Variants in FSTL5 observed in about 807,000 individuals in gnomAD.
FSTL5 encodes the protein follistatin like 5.
Under a neutral mutation model 89.1 loss-of-function variants are expected in FSTL5, and 62 were observed. The ratio of observed to expected loss-of-function variants is 0.70; its 90% CI spans 0.57 to 0.86. The LOEUF is 0.86. Among genes scored for constraint, FSTL5 ranks in the 40% least tolerant of loss-of-function variants. The probability of loss-of-function intolerance (pLI) is 0.00; values close to 1 mark genes in which losing one functional copy is unlikely to be tolerated. For missense variants in FSTL5, 1,057 were observed against 1,001.6 expected, an observed-to-expected ratio of 1.06 and a Z score of -0.75; for synonymous variants, 383 against 346.2, an observed-to-expected ratio of 1.11 and a Z score of -1.18.
chr4:162,058,572 C>A (rs1024404723), intron 2 of FSTL5, among the ~76,000 whole-genome samples: 1 of 151,546 alleles, frequency 6.6e-6, no homozygotes, highest in African/African-American at 2.4e-5. Flanking sequence ...GGATTACAGG[C>A]ACGCACCACC....
At chr4:161,893,478 A>T (rs894055870) in intron 4 of FSTL5, among the ~76,000 whole-genome samples, 2 of 152,132 alleles carry the variant, frequency 1.3e-5, no homozygotes, top group Non-Finnish European at 2.9e-5. Flanking sequence ...TCATCAATAT[A>T]AACTAAAGCC....
At position 161,676,813 on chromosome 4, in the gene FSTL5, G is replaced by A. The variant is rs141297030; in HGVS notation, c.728-20319C>T. ...TACAAAAATAATTGCTTTCCTTGAGGTCAATGTAGTTTTTAAGATTATTTT... is the reference window on the plus strand; with the variant it reads ...TACAAAAATAATTGCTTTCCTTGAGATCAATGTAGTTTTTAAGATTATTTT... On this transcript the variant is annotated intron_variant, in intron 6 of 15. Coordinates refer to ENST00000306100, the MANE Select transcript of FSTL5 (RefSeq NM_020116.5). 6.0e-3 allele frequency among the ~76,000 whole-genome samples: 905 copies of A among 151,328 alleles called. 9 individuals carry two copies. The highest frequency in any genetic ancestry group is 0.046 in the South Asian group (219 of 4,804).
At chr4:162,046,951 G>A (rs1166317711) in intron 2 of FSTL5, among the ~76,000 whole-genome samples, 1 of 152,080 alleles carries the variant, frequency 6.6e-6, no homozygotes, top group Non-Finnish European at 1.5e-5. Context: ...GTGACTGAGA[G>A]TAGAGTATGC....
intron 4 of FSTL5, among the ~76,000 whole-genome samples, chr4:161,858,470 A>C (rs541358964): frequency 2.0e-5 from 3 of 152,274 alleles, no homozygotes; most frequent in African/African-American, 7.2e-5. Context: ...AGTGAGCAAA[A>C]GCAGGCATGA....
chr4:161,575,267 G>A (rs944001080), intron 8 of FSTL5, among the ~76,000 whole-genome samples: 3 of 150,556 alleles, frequency 2.0e-5, no homozygotes, highest in African/African-American at 7.3e-5. Flanking sequence ...TAAGAAGATT[G>A]CAAAAAATGT....
chr4:161,521,866 A>AG (rs1288985110), intron 10 of FSTL5, among the ~76,000 whole-genome samples: 9,196 of 115,046 alleles, frequency 0.08, 554 homozygotes, highest in Non-Finnish European at 0.11. Flanking sequence ...AAAAAAAAAG[A>AG]AAAAAAAAGA....
At chr4:161,479,650 C>T (rs1475804897) in intron 13 of FSTL5, among the ~76,000 whole-genome samples, 4 of 152,068 alleles carry the variant, frequency 2.6e-5, no homozygotes, top group Non-Finnish European at 4.4e-5. Flanking sequence ...AATTTTTTCT[C>T]ACAATAAATA....
chr4:161,601,355 G>T (rs1378972736), intron 7 of FSTL5, among the ~76,000 whole-genome samples: 1 of 133,186 alleles, frequency 7.5e-6, no homozygotes, highest in African/African-American at 2.8e-5. Flanking sequence ...AAAAAAGGCA[G>T]CCAATCCTGT....
chr4:161,442,442 A>G (rs1286969666), intron 15 of FSTL5, among the ~76,000 whole-genome samples: 3 of 152,142 alleles, frequency 2.0e-5, no homozygotes, highest in Non-Finnish European at 4.4e-5. Flanking sequence ...TGCCACAAAT[A>G]TCTTCAAAAT....
chr4:161,822,702 C>CG (rs551754790), intron 4 of FSTL5, among the ~76,000 whole-genome samples: 322 of 152,160 alleles, frequency 2.1e-3, no homozygotes, highest in African/African-American at 7.2e-3. Flanking sequence ...GTATGGTGAG[C>CG]GGGGGGGCAT....
intron 3 of FSTL5, among the ~76,000 whole-genome samples, chr4:161,994,849 G>C (rs190366072): frequency 6.6e-6 from 1 of 152,174 alleles, no homozygotes; most frequent in African/African-American, 2.4e-5. Flanking sequence ...TTATTCTCTT[G>C]ATAGTTTATT....
chr4:161,786,380 G>A (rs1741904318), intron 4 of FSTL5, among the ~76,000 whole-genome samples: 1 of 152,046 alleles, frequency 6.6e-6, no homozygotes, highest in South Asian at 2.1e-4. Context: ...ATATAAATGA[G>A]TAATCTGAAT....
chr4:161,613,090 T>C (rs1375326427), intron 7 of FSTL5, among the ~76,000 whole-genome samples: 1 of 152,156 alleles, frequency 6.6e-6, no homozygotes, highest in African/African-American at 2.4e-5. Context: ...AATCACAGCA[T>C]TTCTTGGAAT....
chr4:161,650,304 A>T (rs982522994), intron 7 of FSTL5, among the ~76,000 whole-genome samples: 6 of 152,196 alleles, frequency 3.9e-5, no homozygotes, highest in African/African-American at 1.4e-4. Context: ...CAGTAATCAA[A>T]CTATTGAGTT....
At chr4:161,940,229 A>G (rs1734540810) in intron 3 of FSTL5, among the ~76,000 whole-genome samples, 1 of 151,886 alleles carries the variant, frequency 6.6e-6, no homozygotes, top group African/African-American at 2.4e-5. Flanking sequence ...GTCAATTGTA[A>G]TTATCCACGT....
At chr4:161,676,747 G>GCGCA (rs1553957418) in intron 6 of FSTL5, among the ~76,000 whole-genome samples, 7 of 143,354 alleles carry the variant, frequency 4.9e-5, no homozygotes, top group Admixed American at 2.1e-4. Context: ...ATACATACAC[G>GCGCA]CACACACACA....
intron 3 of FSTL5, among the ~76,000 whole-genome samples, chr4:161,986,404 T>C (rs550165751): frequency 2.0e-5 from 3 of 151,896 alleles, no homozygotes; most frequent in African/African-American, 4.8e-5. Flanking sequence ...ATAAAATAAA[T>C]AGTTGAGCCT....
chr4:162,046,582 T>G (rs1172175293), intron 2 of FSTL5, among the ~76,000 whole-genome samples: 1 of 152,084 alleles, frequency 6.6e-6, no homozygotes, highest in Non-Finnish European at 1.5e-5. Context: ...TATGCCTGGC[T>G]AAATATTATA....
chr4:161,901,779 C>CA (rs1297286180), intron 4 of FSTL5, among the ~76,000 whole-genome samples: 1 of 151,852 alleles, frequency 6.6e-6, no homozygotes, highest in African/African-American at 2.4e-5. Flanking sequence ...TACTAAAATA[C>CA]AAAAAATTAG....
Sources: gnomAD v4.1 joint callset for allele counts (sites outside exome capture counted in the v4.1 genomes callset) on GRCh38, gnomAD v4.1.1 for gene constraint, MANE v1.5 for transcripts, NCBI Gene and HGNC (gene_info 2026-07-23, HGNC 2026-07-21) for gene names.